Variants in SMPD3 observed in about 807,000 individuals in gnomAD.
SMPD3 encodes nSMase-2.
In SMPD3, 21 loss-of-function variants were observed where a neutral mutation model predicts 55.7. That is an observed-to-expected ratio of 0.38 (90% confidence interval 0.27 to 0.54). SMPD3 has a LOEUF of 0.54. Among genes scored for constraint, SMPD3 ranks in the 20% least tolerant of loss-of-function variants. The pLI, the probability that SMPD3 is intolerant of heterozygous loss-of-function variation, is 0.80. For missense variants in SMPD3, 842 were observed against 899.6 expected, an observed-to-expected ratio of 0.94 and a Z score of 0.82; for synonymous variants, 457 against 404.3, an observed-to-expected ratio of 1.13 and a Z score of -1.56.
chr16:68,370,806 T>G, intron 3 of SMPD3, 53 bp downstream of exon 3: 1 of 1,600,306 alleles, frequency 6.2e-7, no homozygotes, highest in Non-Finnish European at 8.5e-7. Flanking sequence ...CCTGCCTACA[T>G]GGCTCTAGGA....
intron 1 of SMPD3, among the ~76,000 whole-genome samples, chr16:68,407,422 T>G (rs898173571): frequency 1.3e-5 from 2 of 152,276 alleles, no homozygotes; most frequent in African/African-American, 4.8e-5. Context: ...TTATGTAATT[T>G]AAAATTCCTG....
At chr16:68,444,736 T>C (rs2152036615) in intron 1 of SMPD3, among the ~76,000 whole-genome samples, 1 of 152,330 alleles carries the variant, frequency 6.6e-6, no homozygotes, top group Non-Finnish European at 1.5e-5. Context: ...CTGTAGGTGA[T>C]GTTAAGCACC....
In SMPD3 at chr16:68,371,813, G is replaced by A. The variant is rs1275471971; in HGVS notation, c.369C>T (p.Ser123=). Residue 123 remains serine, a synonymous_variant, in exon 3 of 9, where the codon AGC becomes AGT. Coordinates refer to ENST00000219334, the MANE Select transcript of SMPD3 (RefSeq NM_018667.4). ...AGACGTTGGCAGTGGCAAAGCAGAA[G>A]CTTTTGCCAGGCCCCGTGCCCTTCC... ...SEWKGTGPGK[S]FCFATANVCL... is the part of the protein sequence containing the mutation. The A allele has an allele frequency of 6.2e-7, 1 of 1,607,098 alleles. No homozygotes were observed. The highest frequency in any genetic ancestry group is 1.1e-5 in the South Asian group (1 of 89,792).
At chr16:68,429,454 T>A (rs1283975787) in intron 1 of SMPD3, among the ~76,000 whole-genome samples, 3 of 152,110 alleles carry the variant, frequency 2.0e-5, no homozygotes. Flanking sequence ...AGGATCTGGG[T>A]AGGTTTGGGG....
At chr16:68,365,626 A>G (rs2151975828) in intron 3 of SMPD3, among the ~76,000 whole-genome samples, 1 of 152,142 alleles carries the variant, frequency 6.6e-6, no homozygotes. Flanking sequence ...CTGCATGGTG[A>G]GTCATCTGCT....
At position 68,363,539 on chromosome 16, in the gene SMPD3, C is replaced by T. The variant is rs757854584; in HGVS notation, c.1666G>A (p.Gly556Ser). ...GTGCACACATCCTCATCGTACAGGCCGTTCGTGTCCAGCAGAGTACCTGGG... is the reference window on the plus strand; with the variant it reads ...GTGCACACATCCTCATCGTACAGGCTGTTCGTGTCCAGCAGAGTACCTGGG... ...WAIGTLLDTN[G>S]LYDEDVCTPD... Residue 556 changes from glycine to serine, a missense_variant, in exon 7 of 9, where the codon GGC becomes AGC. Coordinates refer to ENST00000219334, the MANE Select transcript of SMPD3 (RefSeq NM_018667.4). The T allele has an allele frequency of 2.4e-5, 38 of 1,613,786 alleles. No individual in the cohort carries two copies. Among genetic ancestry groups the T allele is most frequent in the African/African-American group, 5.3e-5 (4 of 74,902 alleles).
At chr16:68,440,024 G>A (rs776710883) in intron 1 of SMPD3, among the ~76,000 whole-genome samples, 14 of 152,334 alleles carry the variant, frequency 9.2e-5, no homozygotes, top group Non-Finnish European at 8.8e-5. Context: ...AGAAGAACAT[G>A]AAAGATTGTG....
In SMPD3 at chr16:68,361,773, C is replaced by T. The variant is rs531491814; in HGVS notation, c.1710-14G>A. ...CTCTCCAGGACCCTGTCCACACATG[C>T]AGGAGGCAGGTGGGCCCCCATGCCC... On this transcript the variant is annotated splice_polypyrimidine_tract_variant and intron_variant, in intron 7 of 8. Coordinates refer to ENST00000219334, the MANE Select transcript of SMPD3 (RefSeq NM_018667.4). 5.0e-6 allele frequency: 8 copies of T among 1,610,100 alleles called. No individual in the cohort carries two copies. Among genetic ancestry groups the T allele is most frequent in the East Asian group, 2.2e-5 (1 of 44,838 alleles).
At chr16:68,426,991 C>CTTTTT (rs56214206) in intron 1 of SMPD3, among the ~76,000 whole-genome samples, 15 of 112,116 alleles carry the variant, frequency 1.3e-4, no homozygotes, top group African/African-American at 1.8e-4. Context: ...TCAGGTCTAT[C>CTTTTT]TTTTTTTTTT....
intron 1 of SMPD3, among the ~76,000 whole-genome samples, chr16:68,409,845 G>A (rs996368381): frequency 6.6e-6 from 1 of 152,234 alleles, no homozygotes; most frequent in African/African-American, 2.4e-5. Flanking sequence ...GCCCGCCTCA[G>A]CTTCCCAAAG....
At chr16:68,406,489 C>T (rs1011777756) in intron 1 of SMPD3, among the ~76,000 whole-genome samples, 28 of 152,180 alleles carry the variant, frequency 1.8e-4, no homozygotes, top group African/African-American at 6.8e-4. Flanking sequence ...AGTGTCCAGC[C>T]CTCTGAAGGC....
intron 1 of SMPD3, among the ~76,000 whole-genome samples, chr16:68,427,754 G>GC (rs1339787222): frequency 2.7e-5 from 4 of 150,690 alleles, no homozygotes; most frequent in South Asian, 2.1e-4. Flanking sequence ...AAAATGACTG[G>GC]GGGGGGGTGC....
chr16:68,370,462 TTCC>T (rs1307815117), intron 3 of SMPD3, among the ~76,000 whole-genome samples: 1 of 152,172 alleles, frequency 6.6e-6, no homozygotes, highest in African/African-American at 2.4e-5. Flanking sequence ...CCTCCTGTTC[TTCC>T]TCACTTTATC....
intron 1 of SMPD3, among the ~76,000 whole-genome samples, chr16:68,397,633 G>A (rs769572437): frequency 6.6e-6 from 1 of 152,154 alleles, no homozygotes; most frequent in East Asian, 1.9e-4. Flanking sequence ...CTCTCCTGTC[G>A]CACTTCTTGC....
At chr16:68,361,788 C>T (rs2089282886) in intron 7 of SMPD3, 29 bp from the exon 8 acceptor site, 1 of 1,606,172 alleles carries the variant, frequency 6.2e-7, no homozygotes, top group South Asian at 1.1e-5. Context: ...GGCAGGTGGG[C>T]CCCCATGCCC....
At chr16:68,379,617 G>T (rs2089902709) in intron 2 of SMPD3, among the ~76,000 whole-genome samples, 1 of 152,180 alleles carries the variant, frequency 6.6e-6, no homozygotes, top group Non-Finnish European at 1.5e-5. Flanking sequence ...ACGACGTCAG[G>T]GCCTCCGTCT....
chr16:68,360,898 G>A lies in SMPD3; in HGVS notation c.*308C>T, dbSNP rs1397133155. The A allele has an allele frequency of 1.7e-5, 6 of 362,632 alleles. No individual in the cohort carries two copies. The highest frequency in any genetic ancestry group is 1.1e-4 in the East Asian group (2 of 17,766). The allele number at this position is 362,632 out of a possible 1,614,324, so 22.5% of individuals were successfully genotyped here. On this transcript the variant is annotated 3_prime_UTR_variant, in exon 9 of 9. Coordinates refer to ENST00000219334, the MANE Select transcript of SMPD3 (RefSeq NM_018667.4). The stretch of plus-strand genomic sequence containing the variant: ...TTAAGAGGAGATACAGAGAGTACAC[G>A]AACCCGGTCCTCATACTAACCCACG...
intron 1 of SMPD3, among the ~76,000 whole-genome samples, chr16:68,426,385 G>A (rs2090435979): frequency 6.6e-6 from 1 of 152,132 alleles, no homozygotes; most frequent in Non-Finnish European, 1.5e-5. Context: ...TGGTGAGCTG[G>A]CTCACCCTGG....
At chr16:68,364,068 C>G (rs1450513554) in intron 5 of SMPD3, among the ~76,000 whole-genome samples, 1 of 152,170 alleles carries the variant, frequency 6.6e-6, no homozygotes, top group African/African-American at 2.4e-5. Context: ...GAGAACACCT[C>G]CCCCAGCACA....
Sources: allele counts gnomAD v4.1 joint callset (sites outside exome capture counted in the v4.1 genomes callset), GRCh38; gene constraint gnomAD v4.1.1; transcripts MANE v1.5; gene names NCBI Gene and HGNC (gene_info 2026-07-23, HGNC 2026-07-21).